SMIM31: variants seen among roughly 807,000 people sequenced by gnomAD.
The protein encoded by SMIM31 is human epithelial cell program regulator.
At chr4:164,782,428 G>T (rs1222577116) in intron 2 of SMIM31, among the ~76,000 whole-genome samples, 1 of 142,246 alleles carries the variant, frequency 7.0e-6, no homozygotes, top group Non-Finnish European at 1.5e-5. Flanking sequence ...GCCCAGGCTG[G>T]AGTGCAGTGG....
chr4:164,798,707 A>G (rs907624954), intron 2 of SMIM31, among the ~76,000 whole-genome samples: 5 of 151,520 alleles, frequency 3.3e-5, no homozygotes, highest in Non-Finnish European at 5.9e-5. Flanking sequence ...TCAGTGATGT[A>G]AACTGCAGTC....
At chr4:164,773,575 G>T (rs1297692031) in intron 2 of SMIM31, among the ~76,000 whole-genome samples, 2 of 152,096 alleles carry the variant, frequency 1.3e-5, no homozygotes, top group African/African-American at 4.8e-5. Flanking sequence ...CTCACTATCA[G>T]GTGAAAAGCA....
At position 164,783,948 on chromosome 4, in the gene SMIM31, A is replaced by C. The variant is rs189137172; in HGVS notation, c.112+13393A>C. On this transcript the variant is annotated intron_variant, in intron 2 of 2. Transcript: ENST00000507311. The stretch of plus-strand genomic sequence containing the variant: ...GAAGCAGTTTTCTTCATGACATAAC[A>C]TTTTAAAAATTAACTCTCAAAGTAC... Among the ~76,000 whole-genome samples, 410 of 152,348 alleles carry C rather than the reference A, an allele frequency of 2.7e-3. 3 individuals carry two copies. Among genetic ancestry groups the C allele is most frequent in the African/African-American group, 9.3e-3 (386 of 41,572 alleles).
chr4:164,763,529 C>T (rs998565675), intron 1 of SMIM31, among the ~76,000 whole-genome samples: 6 of 152,144 alleles, frequency 3.9e-5, no homozygotes, highest in African/African-American at 9.7e-5. Flanking sequence ...GTGAATTAAA[C>T]TTCAGAATTT....
intron 2 of SMIM31, among the ~76,000 whole-genome samples, chr4:164,771,215 C>T (rs944307015): frequency 6.6e-6 from 1 of 152,140 alleles, no homozygotes; most frequent in Non-Finnish European, 1.5e-5. Context: ...AACAAAAAGC[C>T]GCAGTAAATA....
At chr4:164,772,342 A>G (rs932713843) in intron 2 of SMIM31, among the ~76,000 whole-genome samples, 17 of 152,106 alleles carry the variant, frequency 1.1e-4, no homozygotes, top group Non-Finnish European at 1.3e-4. Flanking sequence ...AACTGCCCCC[A>G]CGATCCAATC....
intron 2 of SMIM31, among the ~76,000 whole-genome samples, chr4:164,781,151 C>T (rs1579068715): frequency 6.6e-6 from 1 of 151,040 alleles, no homozygotes; most frequent in East Asian, 1.9e-4. Flanking sequence ...CACACACACA[C>T]ACACACACAA....
intron 2 of SMIM31, among the ~76,000 whole-genome samples, chr4:164,791,075 T>C (rs906606124): frequency 5.9e-5 from 9 of 152,274 alleles, no homozygotes; most frequent in African/African-American, 2.2e-4. Flanking sequence ...TATCCAAGAA[T>C]AGTCACTTTC....
chr4:164,790,510 A>T (rs550071141), intron 2 of SMIM31, among the ~76,000 whole-genome samples: 3 of 152,160 alleles, frequency 2.0e-5, no homozygotes, highest in Non-Finnish European at 2.9e-5. Flanking sequence ...AGTGGCAATA[A>T]ACTCTTATGA....
chr4:164,761,641 G>A lies in SMIM31; in HGVS notation c.-26+7230G>A, dbSNP rs957599475. ...ACTCAGTTTAATAAGGTCTCTGGCT[G>A]GGCACTGTGGCTCACGCCTGCAATC... On this transcript the variant is annotated intron_variant, in intron 1 of 2. Coordinates refer to ENST00000507311, the MANE Select transcript of SMIM31 (RefSeq NM_001352885.1). 3.3e-5 allele frequency among the ~76,000 whole-genome samples: 5 copies of A among 151,970 alleles called. No homozygotes were observed. The South Asian group carries it at 8.3e-4, about 25-fold the overall frequency.
At chr4:164,761,233 G>T (rs1002465155) in intron 1 of SMIM31, among the ~76,000 whole-genome samples, 1 of 152,044 alleles carries the variant, frequency 6.6e-6, no homozygotes, top group African/African-American at 2.4e-5. Flanking sequence ...CTTTATCAGG[G>T]AAATAGTCTT....
chr4:164,787,764 G>C (rs982177074), intron 2 of SMIM31, among the ~76,000 whole-genome samples: 1 of 152,000 alleles, frequency 6.6e-6, no homozygotes, highest in Non-Finnish European at 1.5e-5. Context: ...TGTGCCCAAG[G>C]ATATAGGCCT....
At chr4:164,795,746 T>C (rs1424997567) in intron 2 of SMIM31, among the ~76,000 whole-genome samples, 1 of 152,152 alleles carries the variant, frequency 6.6e-6, no homozygotes, top group Admixed American at 6.6e-5. Context: ...GCCTGCCATG[T>C]TGTAAGAAAT....
chr4:164,784,311 C>T (rs1732999144), intron 2 of SMIM31, among the ~76,000 whole-genome samples: 1 of 152,220 alleles, frequency 6.6e-6, no homozygotes, highest in Admixed American at 6.5e-5. Flanking sequence ...TTGGCTAGCT[C>T]TCTAACTGAA....
intron 2 of SMIM31, among the ~76,000 whole-genome samples, chr4:164,796,883 T>C (rs1733204480): frequency 6.6e-6 from 1 of 152,204 alleles, no homozygotes; most frequent in Admixed American, 6.5e-5. Flanking sequence ...ATGATGCTAT[T>C]TCATTTAGAC....
intron 2 of SMIM31, among the ~76,000 whole-genome samples, chr4:164,794,052 C>T (rs1269134782): frequency 6.6e-6 from 1 of 152,126 alleles, no homozygotes; most frequent in African/African-American, 2.4e-5. Flanking sequence ...AACTTAAAGA[C>T]TTGTGCATTG....
intron 2 of SMIM31, among the ~76,000 whole-genome samples, chr4:164,793,195 A>C (rs2110960320): frequency 6.6e-6 from 1 of 152,350 alleles, no homozygotes; most frequent in South Asian, 2.1e-4. Context: ...ACAACAATAG[A>C]TACTGGAGAC....
intron 2 of SMIM31, among the ~76,000 whole-genome samples, chr4:164,794,790 C>A (rs1579074362): frequency 6.6e-6 from 1 of 151,426 alleles, no homozygotes; most frequent in East Asian, 1.9e-4. Flanking sequence ...GGCAACAGAG[C>A]AAGACTCCGT....
intron 2 of SMIM31, among the ~76,000 whole-genome samples, chr4:164,774,034 C>T (rs1185443425): frequency 2.6e-5 from 4 of 151,878 alleles, no homozygotes; most frequent in East Asian, 1.9e-4. Context: ...GGCGTGGTGG[C>T]GGGCCCCTGC....
Sources: allele counts gnomAD v4.1 joint callset (sites outside exome capture counted in the v4.1 genomes callset), GRCh38; gene constraint gnomAD v4.1.1; transcripts MANE v1.5; gene names NCBI Gene and HGNC (gene_info 2026-07-23, HGNC 2026-07-21).